The following NSUN3 variants were observed in gnomAD, a reference collection of about 807,000 sequenced individuals.
The protein encoded by NSUN3 is tRNA (cytosine(34)-C(5))-methyltransferase, mitochondrial.
A neutral mutation model predicts 36.8 loss-of-function variants in NSUN3; 24 were observed. The ratio of observed to expected loss-of-function variants is 0.65; its 90% CI spans 0.47 to 0.92. NSUN3 has a LOEUF of 0.92. Among genes scored for constraint, NSUN3 ranks in the 40% least tolerant of loss-of-function variants. NSUN3 has a pLI of 0.00. For synonymous variants in NSUN3, 146 were observed against 145.2 expected (o/e 1.01, Z -0.04); for missense variants, 381 against 392.8 (o/e 0.97, Z 0.25).
chr3:94,076,119 G>A, intron 2 of NSUN3: 7 of 1,424,406 alleles, frequency 4.9e-6, no homozygotes, highest in Non-Finnish European at 6.9e-6. Flanking sequence ...GCATCTTCTG[G>A]GGATTGTTCC....
Position 94,123,339 on chromosome 3 carries a change from G to A in NSUN3, c.744-2872G>A, listed in dbSNP as rs2077472220. ...ATTTTACTAGAATTAAAATTTCGGA[G>A]TCATGAGATATCTGCAAGTTTCTGG... is the stretch of plus-strand genomic sequence containing the variant. On this transcript the variant is annotated intron_variant, in intron 5 of 5. Coordinates refer to ENST00000314622, the MANE Select transcript of NSUN3 (RefSeq NM_022072.5). 2.0e-5 allele frequency among the ~76,000 whole-genome samples: 3 copies of A among 152,124 alleles called. No individual in the cohort carries two copies. The South Asian group carries it at 6.2e-4, about 32-fold the overall frequency.
At chr3:94,094,101 A>G in intron 3 of NSUN3, 39 bp from the exon 4 acceptor site, 2 of 1,475,410 alleles carry the variant, frequency 1.4e-6, no homozygotes, top group Middle Eastern at 1.8e-4. Context: ...TAACAGTTCC[A>G]TTGCCTTCAT....
intron 5 of NSUN3, among the ~76,000 whole-genome samples, chr3:94,099,003 T>G (rs1350078045): frequency 6.6e-6 from 1 of 152,164 alleles, no homozygotes; most frequent in East Asian, 1.9e-4. Flanking sequence ...CCATATAATT[T>G]GGTGTCTGGC....
At chr3:94,087,787 C>T (rs2077297945) in intron 3 of NSUN3, among the ~76,000 whole-genome samples, 2 of 152,178 alleles carry the variant, frequency 1.3e-5, no homozygotes, top group South Asian at 4.1e-4. Flanking sequence ...CCTCCCTCCT[C>T]GGTCTCCCAG....
chr3:94,115,004 T>C (rs575774947), intron 5 of NSUN3, among the ~76,000 whole-genome samples: 107 of 152,304 alleles, frequency 7.0e-4, no homozygotes, highest in African/African-American at 2.5e-3. Flanking sequence ...AATTTCCTCA[T>C]GGAGGAATAT....
chr3:94,095,116 A>G lies in NSUN3; in HGVS notation c.705A>G (p.Gln235=). The G allele has an allele frequency of 6.2e-7, 1 of 1,613,936 alleles. No individual in the cohort carries two copies. Among genetic ancestry groups the G allele is most frequent in the South Asian group, 1.1e-5 (1 of 91,078 alleles). ...AGAAGGCATCCTGTAGGATAAGTCA[A>G]AGGAGGAATTTGCCTCTTCTACAGA... is the stretch of plus-strand genomic sequence containing the variant. ...DSQKASCRIS[Q]RRNLPLLQIE... Residue 235 remains glutamine (Q), a synonymous_variant, in exon 5 of 6, where the codon CAA becomes CAG. Transcript: ENST00000314622.
At chr3:94,114,323 C>T (rs1262383386) in intron 5 of NSUN3, among the ~76,000 whole-genome samples, 1 of 152,128 alleles carries the variant, frequency 6.6e-6, no homozygotes, top group Non-Finnish European at 1.5e-5. Context: ...CTTTAATTAG[C>T]TGTGTCACTT....
intron 2 of NSUN3, among the ~76,000 whole-genome samples, chr3:94,075,729 A>G (rs2077242871): frequency 6.7e-6 from 1 of 150,298 alleles, no homozygotes; most frequent in African/African-American, 2.5e-5. Context: ...TGCTGAATCA[A>G]GCCCCCCCCC....
intron 5 of NSUN3, among the ~76,000 whole-genome samples, chr3:94,096,187 T>C (rs918162953): frequency 1.3e-5 from 2 of 152,184 alleles, no homozygotes; most frequent in Non-Finnish European, 2.9e-5. Flanking sequence ...TACACAACAA[T>C]AAACATATAC....
chr3:94,094,886 C>G, intron 4 of NSUN3, 147 bp from the exon 5 acceptor site: 3 of 749,346 alleles, frequency 4.0e-6, no homozygotes, highest in Non-Finnish European at 6.4e-6. Flanking sequence ...AAGGAAAAAC[C>G]TACTGTGGTG....
chr3:94,105,735 T>A (rs2107263579), intron 5 of NSUN3, among the ~76,000 whole-genome samples: 1 of 152,024 alleles, frequency 6.6e-6, no homozygotes, highest in South Asian at 2.1e-4. Context: ...AGTTTCTTCT[T>A]AACACACACA....
chr3:94,066,416 G>A (rs1377989702), intron 2 of NSUN3, among the ~76,000 whole-genome samples: 1 of 152,206 alleles, frequency 6.6e-6, no homozygotes, highest in Non-Finnish European at 1.5e-5. Context: ...TTGTTTGCAA[G>A]ACATAATGTA....
chr3:94,118,984 A>C (rs187920228), intron 5 of NSUN3, among the ~76,000 whole-genome samples: 6 of 152,092 alleles, frequency 3.9e-5, no homozygotes, highest in African/African-American at 1.4e-4. Flanking sequence ...CCCTTCTCAC[A>C]TCCTGCCATC....
In NSUN3 at chr3:94,126,310, C is replaced by A; in HGVS notation, c.843C>A (p.Asn281Lys). 6.2e-7 allele frequency: 1 copy of A among 1,614,098 alleles called. No homozygotes were observed. The highest frequency in any genetic ancestry group is 1.1e-5 in the South Asian group (1 of 91,082). ...AAGATGTGATCAGTGAAATTTTAAA[C>A]TCCCACGGTAACATCATGCCTATGG... is the stretch of plus-strand genomic sequence containing the variant. ...ENQDVISEIL[N>K]SHGNIMPMDI... is the part of the protein sequence containing the mutation. The change falls in exon 6 of 6, where the codon AAC (asparagine) becomes AAA (lysine). Residue 281 changes from asparagine to lysine, a missense_variant. Physicochemically the swap from Asn to Lys is moderately conservative, Grantham distance 94. Coordinates refer to ENST00000314622, the MANE Select transcript of NSUN3 (RefSeq NM_022072.5).
At chr3:94,085,144 A>T (rs1300227167) in intron 3 of NSUN3, 1 of 152,194 alleles carries the variant, frequency 6.6e-6, no homozygotes, top group Non-Finnish European at 1.5e-5. Flanking sequence ...AGGGTATAGT[A>T]TTGGACAATC....
chr3:94,121,753 G>A (rs1157562031), intron 5 of NSUN3, among the ~76,000 whole-genome samples: 3 of 152,208 alleles, frequency 2.0e-5, no homozygotes, highest in African/African-American at 7.2e-5. Context: ...TACATGAGAT[G>A]TATAGAAATC....
At chr3:94,092,919 C>CAAAAAAAAAAAAAAAA (rs1161530879) in intron 3 of NSUN3, among the ~76,000 whole-genome samples, 3 of 24,638 alleles carry the variant, frequency 1.2e-4, no homozygotes, top group African/African-American at 1.7e-4. Flanking sequence ...GACTGCATCT[C>CAAAAAAAAAAAAAAAA]AAAAAAAAAA....
At chr3:94,088,907 G>A (rs1340028104) in intron 3 of NSUN3, among the ~76,000 whole-genome samples, 6 of 152,112 alleles carry the variant, frequency 3.9e-5, no homozygotes, top group African/African-American at 1.4e-4. Flanking sequence ...GACCTCAGGC[G>A]ATCCACCGGC....
chr3:94,102,142 A>G (rs2077368287), intron 5 of NSUN3, among the ~76,000 whole-genome samples: 4 of 151,122 alleles, frequency 2.6e-5, no homozygotes, highest in Non-Finnish European at 4.4e-5. Context: ...TAAATCATCC[A>G]GATAACAATC....
Sources: allele counts gnomAD v4.1 joint callset (sites outside exome capture counted in the v4.1 genomes callset), GRCh38; gene constraint gnomAD v4.1.1; transcripts MANE v1.5; gene names NCBI Gene and HGNC (gene_info 2026-07-23, HGNC 2026-07-21).